NUP153: variants seen among roughly 807,000 people sequenced by gnomAD.
The protein encoded by NUP153 is nuclear pore complex protein Nup153.
A neutral mutation model predicts 134.6 loss-of-function variants in NUP153; 27 were observed. That is an observed-to-expected ratio of 0.20 (90% CI 0.15 to 0.28). The LOEUF is 0.28. Among genes scored for constraint, NUP153 ranks in the 10% least tolerant of loss-of-function variants. The probability of loss-of-function intolerance (pLI) is 1.00; values close to 1 mark genes in which losing one functional copy is unlikely to be tolerated. For missense variants in NUP153, 1,821 were observed against 1,731.3 expected (o/e 1.05, Z -0.92); for synonymous variants, 640 against 623.5 (o/e 1.03, Z -0.40).
In NUP153 at chr6:17,664,088, A is replaced by G. The variant is rs536668683; in HGVS notation, c.1215+1151T>C. Among the ~76,000 whole-genome samples, 135 of 152,342 alleles carry G rather than the reference A, an allele frequency of 8.9e-4. 1 individual carries two copies. Among genetic ancestry groups the G allele is most frequent in the Middle Eastern group, 3.4e-3 (1 of 294 alleles). Reference sequence around the variant, plus strand: ...ATACAATGAAATATCTACAAAATCTAGTATTCCTTACAATGAAATATTATT... The same window carrying G: ...ATACAATGAAATATCTACAAAATCTGGTATTCCTTACAATGAAATATTATT... On this transcript the variant is annotated intron_variant, in intron 9 of 21. Transcript: ENST00000262077.
chr6:17,665,360 T>C lies in NUP153; in HGVS notation c.1094A>G (p.Gln365Arg), dbSNP rs755733087. 3 of 1,613,270 alleles carry C rather than the reference T, an allele frequency of 1.9e-6. No homozygotes were observed. The highest frequency in any genetic ancestry group is 1.7e-6 in the Non-Finnish European group (2 of 1,179,552). Reference protein sequence around the residue: ...EKVDSQYPPVQRLMTPKPVSI... With the variant: ...EKVDSQYPPVRRLMTPKPVSI... ...AACTGGCTTTGGGGTCATAAGTCTC[T>C]GAACAGGAGGATATTGAGAATCCAC... Residue 365 changes from glutamine to arginine, a missense_variant, in exon 9 of 22, where the codon CAG (glutamine) becomes CGG (arginine). Transcript: ENST00000262077.
At chr6:17,620,117 AAAAAGG>A (rs1764571620) in intron 20 of NUP153, among the ~76,000 whole-genome samples, 1 of 145,788 alleles carries the variant, frequency 6.9e-6, no homozygotes, top group East Asian at 2.1e-4. Context: ...AAAAAAAAAA[AAAAAGG>A]AAGGGAGGGA....
chr6:17,706,180 T>A lies in NUP153; in HGVS notation c.111+97A>T. On this transcript the variant is annotated intron_variant, in intron 1 of 21. Transcript: ENST00000262077. The surrounding 1 kb of genome is among the most constrained non-coding windows in gnomAD (Gnocchi z 5.9). ...ACTCGGGCCTTTCCTCAGGCCCTCC[T>A]GTCTGCTCCACGTGGGGCGCCGGGG... 2.0e-6 allele frequency: 2 copies of A among 983,428 alleles called. No individual in the cohort carries two copies. The highest frequency in any genetic ancestry group is 1.6e-5 in the African/African-American group (1 of 62,502). 60.9% of individuals were successfully genotyped at this position (983,428 alleles called of 1,614,324 possible).
Position 17,675,087 on chromosome 6 carries a change from G to C in NUP153, c.724-54C>G. On this transcript the variant is annotated intron_variant, in intron 4 of 21. Transcript: ENST00000262077. The surrounding 1 kb of genome is among the most constrained non-coding windows in gnomAD (Gnocchi z 4.4). ...AGCCATATGAACCCAGGAGGTGGAG[G>C]TTGCAGTGAGTTAAGATCATGCTGC... is the stretch of plus-strand genomic sequence containing the variant. 1 of 1,597,316 alleles carries C rather than the reference G, an allele frequency of 6.3e-7. No individual in the cohort carries two copies. The highest frequency in any genetic ancestry group is 8.6e-7 in the Non-Finnish European group (1 of 1,168,638).
intron 1 of NUP153, among the ~76,000 whole-genome samples, chr6:17,695,435 T>A (rs1340824275): frequency 1.3e-5 from 2 of 152,204 alleles, no homozygotes; most frequent in East Asian, 3.8e-4. Context: ...TACATAACCA[T>A]GATTATAAGC....
Position 17,646,175 on chromosome 6 carries a change from C to T in NUP153, c.1633-21G>A, listed in dbSNP as rs765657384. ...CCAATCTGTAAAGAGAAAGAATATC[C>T]TTATACTTCGTTTTCAATAAGTATC... On this transcript the variant is annotated intron_variant, in intron 13 of 21. Coordinates refer to ENST00000262077, the MANE Select transcript of NUP153 (RefSeq NM_005124.4). 5.3e-6 allele frequency: 7 copies of T among 1,318,040 alleles called. No homozygotes were observed. In the South Asian group the frequency reaches 7.2e-5, roughly 14 times the overall value. 81.6% of individuals were successfully genotyped at this position (1,318,040 alleles called of 1,614,324 possible).
At chr6:17,640,473 T>C (rs373135672) in intron 14 of NUP153, among the ~76,000 whole-genome samples, 1 of 152,234 alleles carries the variant, frequency 6.6e-6, no homozygotes, top group East Asian at 1.9e-4. Flanking sequence ...TATTTCATTT[T>C]TAGAAATTCA....
At chr6:17,684,627 C>T (rs1768802411) in intron 2 of NUP153, among the ~76,000 whole-genome samples, 2 of 152,194 alleles carry the variant, frequency 1.3e-5, no homozygotes, top group African/African-American at 4.8e-5. Context: ...CCTTTGCATT[C>T]ACAAGTTGGC....
chr6:17,666,081 T>A (rs1767518473), intron 8 of NUP153, among the ~76,000 whole-genome samples: 1 of 151,286 alleles, frequency 6.6e-6, no homozygotes, highest in East Asian at 2.0e-4. Flanking sequence ...TGCCTCAGCC[T>A]CTCAAAGAGT....
chr6:17,631,965 CA>C (rs1317210230), intron 17 of NUP153, among the ~76,000 whole-genome samples: 1 of 147,678 alleles, frequency 6.8e-6, no homozygotes, highest in Non-Finnish European at 1.5e-5. Context: ...GACACCATCT[CA>C]AAAAAAACAC....
intron 18 of NUP153, 62 bp from the exon 19 acceptor site, chr6:17,626,226 T>G: frequency 7.9e-7 from 1 of 1,270,702 alleles, no homozygotes; most frequent in Non-Finnish European, 1.1e-6. Context: ...AAAGTACTTT[T>G]TCCTACCCTA....
intron 11 of NUP153, among the ~76,000 whole-genome samples, chr6:17,650,922 G>A (rs909708421): frequency 6.6e-6 from 1 of 152,138 alleles, no homozygotes; most frequent in Non-Finnish European, 1.5e-5. Context: ...ACAGGATGTG[G>A]TATGAAAGTA....
rs533840816 is a variant in NUP153, at chr6:17,637,755, T to C, written c.1862A>G (p.Lys621Arg). ...GGGCTGAGCAGCAACAGAATCTATC[T>C]TCGGCGATGCGAAACCTACAATGAA... Reference protein sequence around the residue: ...ILKSPGFASPKIDSVAAQPTA... With the variant: ...ILKSPGFASPRIDSVAAQPTA... The change falls in exon 16 of 22, where the codon AAG becomes AGG. Residue 621 changes from lysine (K) to arginine (R), a missense_variant. Lys to Arg is a conservative substitution (Grantham distance 26). Coordinates refer to ENST00000262077, the MANE Select transcript of NUP153 (RefSeq NM_005124.4). 4.4e-6 allele frequency: 7 copies of C among 1,599,336 alleles called. No individual in the cohort carries two copies. The East Asian group carries it at 6.7e-5, about 15-fold the overall frequency.
intron 5 of NUP153, among the ~76,000 whole-genome samples, chr6:17,670,993 T>G (rs750022549): frequency 6.6e-6 from 1 of 152,036 alleles, no homozygotes; most frequent in Non-Finnish European, 1.5e-5. Context: ...GTATTTTTAG[T>G]AGAGATAGGG....
intron 2 of NUP153, among the ~76,000 whole-genome samples, chr6:17,679,749 C>T (rs1768464136): frequency 1.3e-5 from 2 of 152,172 alleles, no homozygotes; most frequent in Admixed American, 1.3e-4. Flanking sequence ...GCTGATGTTA[C>T]ACATGCTAAC....
At chr6:17,658,685 G>A (rs775481136) in intron 11 of NUP153, among the ~76,000 whole-genome samples, 13 of 152,182 alleles carry the variant, frequency 8.5e-5, no homozygotes, top group Non-Finnish European at 1.8e-4. Flanking sequence ...CAATAAGTGG[G>A]TGTCTCACAA....
intron 1 of NUP153, among the ~76,000 whole-genome samples, chr6:17,696,024 A>G (rs919204180): frequency 4.6e-5 from 7 of 152,056 alleles, no homozygotes; most frequent in African/African-American, 1.4e-4. Context: ...AAAAAACAGA[A>G]AAAGAAAATA....
Position 17,623,727 on chromosome 6 carries a change from C to T in NUP153, c.4174+834G>A, listed in dbSNP as rs1419540528. ...AAACTATATGCAAAACATGGATGACCCTTACAAGCCTTAGAGCAAAACAAT... is the reference window on the plus strand; with the variant it reads ...AAACTATATGCAAAACATGGATGACTCTTACAAGCCTTAGAGCAAAACAAT... On this transcript the variant is annotated intron_variant, in intron 20 of 21. Transcript: ENST00000262077. Among the ~76,000 whole-genome samples the T allele has an allele frequency of 3.3e-5, 5 of 152,246 alleles. No individual in the cohort carries two copies. In the East Asian group the frequency reaches 9.7e-4, roughly 29 times the overall value.
In NUP153 at chr6:17,624,573, T is replaced by C. The variant is rs2228379; in HGVS notation, c.4162A>G (p.Thr1388Ala). Residue 1388 changes from threonine to alanine, a missense_variant, in exon 20 of 22, where the codon ACT (threonine) becomes GCT (alanine). Transcript: ENST00000262077. ...ACAGCACACTTACTAGAATTAGGAG[T>C]TGTTCCAGAGCCAAATGCAGACTGA... The part of the protein sequence containing the change: ...PSQSAFGSGT[T>A]PNSSSAFQFG... 3.7e-3 allele frequency: 5,911 copies of C among 1,612,918 alleles called. 198 individuals are homozygous for C. The African/African-American group carries it at 0.07, about 19-fold the overall frequency.
Sources: allele counts gnomAD v4.1 joint callset (sites outside exome capture counted in the v4.1 genomes callset), GRCh38; gene constraint gnomAD v4.1.1; non-coding constraint Gnocchi (gnomAD v3.1); transcripts MANE v1.5; gene names NCBI Gene and HGNC (gene_info 2026-07-23, HGNC 2026-07-21).